The following ZNF804A variants were observed in gnomAD, a reference collection of about 807,000 sequenced individuals.
ZNF804A encodes the protein zinc finger protein 804A.
Under a neutral mutation model 16.5 loss-of-function variants are expected in ZNF804A, and 2 were observed. That is an observed-to-expected ratio of 0.12 (90% CI 0.05 to 0.38). The LOEUF is 0.38. ZNF804A is among the 10% of genes least tolerant of loss of function. ZNF804A has a pLI of 0.99. For missense variants in ZNF804A, 1,473 were observed against 1,390.7 expected (o/e 1.06, Z -0.94); for synonymous variants, 534 against 489.6 (o/e 1.09, Z -1.20).
chr2:184,865,148 G>C (rs969693298), intron 1 of ZNF804A, among the ~76,000 whole-genome samples: 1 of 152,010 alleles, frequency 6.6e-6, no homozygotes, highest in Non-Finnish European at 1.5e-5. Context: ...CCAAAGTGCT[G>C]GGACTGCAGG....
chr2:184,938,464 T>C lies in ZNF804A; in HGVS notation c.3068T>C (p.Ile1023Thr). Residue 1023 changes from isoleucine (I) to threonine (T), a missense_variant, in exon 4 of 4, where the codon ATC (isoleucine) becomes ACC (threonine). Physicochemically the swap from Ile to Thr is moderately conservative, Grantham distance 89. Transcript: ENST00000302277. ...CATACTTTTGTAACAGCTGAGCAAA[T>C]CCTGGCTCCATTAGCTTTACCAGAG... The part of the protein sequence containing the change: ...SGHTFVTAEQ[I>T]LAPLALPEQA... 1.2e-6 allele frequency: 2 copies of C among 1,614,058 alleles called. No individual in the cohort carries two copies. The highest frequency in any genetic ancestry group is 1.7e-6 in the Non-Finnish European group (2 of 1,180,002).
At position 184,933,638 on chromosome 2, in the gene ZNF804A, A is replaced by C. The variant is rs1306233772; in HGVS notation, c.291A>C (p.Arg97=). ...AACTGAAACAAAGGGAATTTGCTCG[A>C]AATGTAGCATCTAAATCCAGGAAAG... The part of the protein sequence containing the change: ...LKELKQREFA[R]NVASKSRKDE... Residue 97 remains arginine, a synonymous_variant, in exon 3 of 4, where the codon CGA becomes CGC. Coordinates refer to ENST00000302277, the MANE Select transcript of ZNF804A (RefSeq NM_194250.2). The C allele has an allele frequency of 6.2e-7, 1 of 1,607,666 alleles. No homozygotes were observed. Among genetic ancestry groups the C allele is most frequent in the South Asian group, 1.1e-5 (1 of 89,568 alleles).
At chr2:184,832,201 G>T (rs951745269) in intron 1 of ZNF804A, among the ~76,000 whole-genome samples, 1 of 151,908 alleles carries the variant, frequency 6.6e-6, no homozygotes, top group African/African-American at 2.4e-5. Context: ...GTAACAACTT[G>T]GTAGTTTGCC....
At chr2:184,630,870 A>G (rs1255598808) in intron 1 of ZNF804A, among the ~76,000 whole-genome samples, 1 of 152,146 alleles carries the variant, frequency 6.6e-6, no homozygotes, top group Non-Finnish European at 1.5e-5. Flanking sequence ...ATTTTAAAAA[A>G]AAATACATTA....
At chr2:184,846,211 G>A (rs960336524) in intron 1 of ZNF804A, among the ~76,000 whole-genome samples, 3 of 151,976 alleles carry the variant, frequency 2.0e-5, no homozygotes, top group Non-Finnish European at 4.4e-5. Flanking sequence ...TTTAAAATAA[G>A]CCACTTAAGG....
chr2:184,886,785 G>C (rs900798610), intron 2 of ZNF804A, among the ~76,000 whole-genome samples: 4 of 152,200 alleles, frequency 2.6e-5, no homozygotes, highest in African/African-American at 9.6e-5. Flanking sequence ...AGGTCACCAA[G>C]TCCCTAGGCT....
At chr2:184,848,175 GAA>G (rs1282781741) in intron 1 of ZNF804A, among the ~76,000 whole-genome samples, 2 of 152,010 alleles carry the variant, frequency 1.3e-5, no homozygotes. Context: ...CTCCCATCCT[GAA>G]GCTATTCAGG....
At chr2:184,746,603 CTG>C (rs1693793628) in intron 1 of ZNF804A, among the ~76,000 whole-genome samples, 1 of 151,374 alleles carries the variant, frequency 6.6e-6, no homozygotes, top group Non-Finnish European at 1.5e-5. Flanking sequence ...TTATTGTTGA[CTG>C]TAATCACTCT....
intron 1 of ZNF804A, among the ~76,000 whole-genome samples, chr2:184,835,021 C>T (rs1012265724): frequency 1.3e-5 from 2 of 152,146 alleles, no homozygotes; most frequent in Admixed American, 6.6e-5. Flanking sequence ...TACTATTTGG[C>T]AGGCACAGAA....
intron 2 of ZNF804A, among the ~76,000 whole-genome samples, chr2:184,926,646 T>C (rs1685617048): frequency 6.6e-6 from 1 of 152,132 alleles, no homozygotes; most frequent in Non-Finnish European, 1.5e-5. Context: ...TCTTAGATTG[T>C]CCCTTTTGAG....
intron 1 of ZNF804A, among the ~76,000 whole-genome samples, chr2:184,812,691 G>A (rs767533945): frequency 6.6e-6 from 1 of 152,048 alleles, no homozygotes; most frequent in Non-Finnish European, 1.5e-5. Flanking sequence ...GCACTGGAAA[G>A]CACTTTTCTT....
At chr2:184,645,003 A>T (rs1691849843) in intron 1 of ZNF804A, among the ~76,000 whole-genome samples, 1 of 152,024 alleles carries the variant, frequency 6.6e-6, no homozygotes, top group African/African-American at 2.4e-5. Context: ...CTTCATAATT[A>T]TCACCTGCTT....
intron 2 of ZNF804A, among the ~76,000 whole-genome samples, chr2:184,904,454 G>A (rs538865047): frequency 2.0e-5 from 3 of 152,150 alleles, no homozygotes; most frequent in African/African-American, 7.2e-5. Context: ...CGACTAAGTT[G>A]CTCAATTGTG....
chr2:184,871,423 A>C (rs531365233), intron 2 of ZNF804A, among the ~76,000 whole-genome samples: 3 of 151,262 alleles, frequency 2.0e-5, no homozygotes, highest in East Asian at 3.9e-4. Flanking sequence ...AGCAAAAAAA[A>C]AAAAAACAAA....
Position 184,779,414 on chromosome 2 carries a change from G to A in ZNF804A, c.112-86955G>A, listed in dbSNP as rs531968010. On this transcript the variant is annotated intron_variant, in intron 1 of 3. Transcript: ENST00000302277. ...TTCTTCTACAAATATGAGGGAAAAT[G>A]TCACCCTATGATGCACAAATCTTAA... Among the ~76,000 whole-genome samples the A allele has an allele frequency of 4.0e-5, 6 of 151,866 alleles. No individual in the cohort carries two copies. In the East Asian group the frequency reaches 7.8e-4, roughly 20 times the overall value.
chr2:184,718,589 G>A (rs1029801923), intron 1 of ZNF804A, among the ~76,000 whole-genome samples: 1 of 152,126 alleles, frequency 6.6e-6, no homozygotes, highest in Non-Finnish European at 1.5e-5. Flanking sequence ...CCAAATAGGA[G>A]AAATTGGCCA....
intron 1 of ZNF804A, among the ~76,000 whole-genome samples, chr2:184,811,787 G>T (rs985503320): frequency 6.6e-5 from 10 of 152,078 alleles, no homozygotes; most frequent in African/African-American, 2.4e-4. Context: ...ATCTATACAG[G>T]ATTTTAGCCT....
chr2:184,693,918 A>G (rs1692775200), intron 1 of ZNF804A, among the ~76,000 whole-genome samples: 1 of 150,652 alleles, frequency 6.6e-6, no homozygotes, highest in South Asian at 2.1e-4. Flanking sequence ...CGATGATGCA[A>G]CTAACTTAGT....
chr2:184,870,883 C>T lies in ZNF804A; in HGVS notation c.255+4371C>T, dbSNP rs75960822. Among the ~76,000 whole-genome samples the T allele has an allele frequency of 6.5e-4, 98 of 151,806 alleles. 1 individual carries two copies. In the East Asian group the frequency reaches 0.018, roughly 28 times the overall value. ...ATGTCCATCCTTCAGAAGAGTAATG[C>T]TACTGATGATAATAATAGCAACAAT... On this transcript the variant is annotated intron_variant, in intron 2 of 3. Coordinates refer to ENST00000302277, the MANE Select transcript of ZNF804A (RefSeq NM_194250.2).
Sources: allele counts gnomAD v4.1 joint callset (sites outside exome capture counted in the v4.1 genomes callset), GRCh38; gene constraint gnomAD v4.1.1; transcripts MANE v1.5; gene names NCBI Gene and HGNC (gene_info 2026-07-23, HGNC 2026-07-21).